MED15: variants seen among roughly 807,000 people sequenced by gnomAD.
MED15 encodes the protein mediator complex subunit 15.
In MED15, 41 loss-of-function variants were observed where a neutral mutation model predicts 118.7. The ratio of observed to expected loss-of-function variants is 0.35; its 90% CI spans 0.27 to 0.45. The LOEUF (loss-of-function observed/expected upper bound fraction) is 0.45. MED15 is among the 20% of genes least tolerant of loss of function. MED15 has a pLI of 1.00. For missense variants in MED15, 740 were observed against 1,025.5 expected (o/e 0.72, Z 3.80); for synonymous variants, 436 against 413.9 (o/e 1.05, Z -0.65).
At chr22:20,580,286 G>A (rs998831750) in intron 9 of MED15, among the ~76,000 whole-genome samples, 1 of 152,172 alleles carries the variant, frequency 6.6e-6, no homozygotes, top group African/African-American at 2.4e-5. Context: ...CCTGAGGTTC[G>A]AGAGCAGATG....
chr22:20,507,974 C>T (rs1249205381), intron 1 of MED15: 1 of 1,435,378 alleles, frequency 7.0e-7, no homozygotes, highest in Non-Finnish European at 9.1e-7. Context: ...CGAGCCCTGG[C>T]TTATGAATCA....
intron 2 of MED15, among the ~76,000 whole-genome samples, chr22:20,539,523 A>T (rs2055208485): frequency 6.6e-6 from 1 of 152,212 alleles, no homozygotes; most frequent in Non-Finnish European, 1.5e-5. Context: ...TTTGGTTATT[A>T]TGAGTAAGCA....
At position 20,582,694 on chromosome 22, in the gene MED15, C is replaced by T. The variant is rs758769640; in HGVS notation, c.1356C>T (p.Pro452=). 6.9e-6 allele frequency: 11 copies of T among 1,597,710 alleles called. No individual in the cohort carries two copies. The highest frequency in any genetic ancestry group is 1.7e-5 in the Admixed American group (1 of 59,776). ...CCCCGCAGTCGATGCCCCCTCCCCC[C>T]CAGCCGTCCCCGCAGCCCGGCCAGC... The part of the protein sequence containing the change: ...VQTPQSMPPP[P]QPSPQPGQPS... The change falls in exon 10 of 18, where the codon CCC becomes CCT. Residue 452 remains proline, a synonymous_variant. Transcript: ENST00000263205.
intron 9 of MED15, among the ~76,000 whole-genome samples, chr22:20,580,908 C>G (rs181327387): frequency 6.6e-6 from 1 of 152,376 alleles, no homozygotes; most frequent in Admixed American, 6.5e-5. Flanking sequence ...AGCCATTTTG[C>G]TCCATTAGGT....
chr22:20,518,801 G>T (rs993775865), intron 1 of MED15: 2 of 444,180 alleles, frequency 4.5e-6, no homozygotes, highest in Non-Finnish European at 9.0e-6. Flanking sequence ...TTCTCATTTT[G>T]AACTTTTTTC....
chr22:20,533,520 T>C (rs2054934954), intron 1 of MED15, among the ~76,000 whole-genome samples: 1 of 152,128 alleles, frequency 6.6e-6, no homozygotes, highest in Admixed American at 6.5e-5. Flanking sequence ...GTGGGAGAGA[T>C]GTGGGAGTGA....
At chr22:20,557,318 G>A (rs1249374792) in intron 5 of MED15, among the ~76,000 whole-genome samples, 1 of 152,062 alleles carries the variant, frequency 6.6e-6, no homozygotes, top group Non-Finnish European at 1.5e-5. Context: ...ACCCACTCCT[G>A]CTCTGGAATC....
chr22:20,568,514 C>T lies in MED15; in HGVS notation c.1042-7C>T, dbSNP rs1421170459. On this transcript the variant is annotated splice_region_variant and splice_polypyrimidine_tract_variant and intron_variant, in intron 7 of 17. Transcript: ENST00000263205. ...TTCCAAATCACATTCTCTCTTTCTCCCTCAAGGTCCGAGCTCCGATGGTGG... is the reference window on the plus strand; with the variant it reads ...TTCCAAATCACATTCTCTCTTTCTCTCTCAAGGTCCGAGCTCCGATGGTGG... The T allele has an allele frequency of 1.9e-6, 3 of 1,613,220 alleles. No individual in the cohort carries two copies. The highest frequency in any genetic ancestry group is 2.5e-6 in the Non-Finnish European group (3 of 1,179,868).
intron 1 of MED15, among the ~76,000 whole-genome samples, chr22:20,526,478 C>T (rs983257219): frequency 2.2e-4 from 33 of 152,188 alleles, no homozygotes; most frequent in African/African-American, 6.0e-4. Context: ...CTGCATAAAT[C>T]GGTAATGAAT....
chr22:20,583,003 C>A, intron 11 of MED15, 36 bp downstream of exon 11: 1 of 1,597,808 alleles, frequency 6.3e-7, no homozygotes, highest in South Asian at 1.1e-5. Context: ...TCACTCCTCA[C>A]CTTTATGAGG....
chr22:20,571,697 T>G (rs372307191), intron 8 of MED15, among the ~76,000 whole-genome samples: 1 of 152,238 alleles, frequency 6.6e-6, no homozygotes, highest in Admixed American at 6.5e-5. Flanking sequence ...TGGGGAGGGT[T>G]GGGCACAGCA....
chr22:20,537,720 G>C (rs928408688), intron 2 of MED15, among the ~76,000 whole-genome samples: 4 of 152,216 alleles, frequency 2.6e-5, no homozygotes, highest in African/African-American at 9.7e-5. Flanking sequence ...CCCTGGGTGG[G>C]GCACCACACT....
rs507624 is a variant in MED15 at position 20,565,117 on chromosome 22, C to T, written c.690+429C>T. 3.8e-3 allele frequency among the ~76,000 whole-genome samples: 575 copies of T among 152,014 alleles called. 4 individuals carry two copies. Among genetic ancestry groups the T allele is most frequent in the African/African-American group, 0.013 (543 of 41,446 alleles). The stretch of plus-strand genomic sequence containing the variant: ...TCCAGCCTGGGCAGCAGTGAGACTC[C>T]GTCTCAAAAAAAATAAAAATAAAAA... On this transcript the variant is annotated intron_variant, in intron 6 of 17. Coordinates refer to ENST00000263205, the MANE Select transcript of MED15 (RefSeq NM_001003891.3).
At chr22:20,520,380 A>G (rs570040396) in intron 1 of MED15, among the ~76,000 whole-genome samples, 109 of 152,350 alleles carry the variant, frequency 7.2e-4, no homozygotes, top group Non-Finnish European at 1.3e-3. Flanking sequence ...AGTAGAACTC[A>G]GGGTTCGTCC....
chr22:20,585,131 G>T lies in MED15; in HGVS notation c.1995G>T (p.Arg665Ser), dbSNP rs755322979. ...CAGTGGTGTGCACCCGGAAGCGCAGGCTTGAGGATGATGAGCGGCAGAGCA... is the reference window on the plus strand; with the variant it reads ...CAGTGGTGTGCACCCGGAAGCGCAGTCTTGAGGATGATGAGCGGCAGAGCA... ...TAPVVCTRKR[R>S]LEDDERQSIP... is the part of the protein sequence containing the mutation. Residue 665 changes from arginine to serine, a missense_variant, in exon 16 of 18, where the codon AGG (arginine) becomes AGT (serine). Physicochemically the swap from Arg to Ser is moderately radical, Grantham distance 110. This residue lies in a region of MED15 where 179 missense variants were observed against 259.0 expected (regional missense o/e 0.69). Coordinates refer to ENST00000263205, the MANE Select transcript of MED15 (RefSeq NM_001003891.3). 10 of 1,613,720 alleles carry T rather than the reference G, an allele frequency of 6.2e-6. No homozygotes were observed. The highest frequency in any genetic ancestry group is 8.5e-6 in the Non-Finnish European group (10 of 1,179,986).
rs369429276 is a variant in MED15 at position 20,586,629 on chromosome 22, G to A, written c.2292G>A (p.Pro764=). The change falls in exon 18 of 18, where the codon CCG becomes CCA. Residue 764 remains proline (P), a synonymous_variant. Transcript: ENST00000263205. ...TGACCTCCAGGCTGCTGCAGCTCCC[G>A]GACAAGCACTCGGTCACCGCCTTGC... is the stretch of plus-strand genomic sequence containing the variant. ...RCMTSRLLQL[P]DKHSVTALLN... is the part of the protein sequence containing the mutation. 71 of 1,612,872 alleles carry A rather than the reference G, an allele frequency of 4.4e-5. No homozygotes were observed. Among genetic ancestry groups the A allele is most frequent in the South Asian group, 1.4e-4 (13 of 91,078 alleles).
chr22:20,511,330 A>ACAAATACAACAAT (rs1301280498), intron 1 of MED15, among the ~76,000 whole-genome samples: 1 of 151,792 alleles, frequency 6.6e-6, no homozygotes, highest in Non-Finnish European at 1.5e-5. Flanking sequence ...GGTAACATAA[A>ACAAATACAACAAT]CAAATACAAC....
chr22:20,547,938 T>C (rs1003439127), intron 2 of MED15, among the ~76,000 whole-genome samples: 6 of 152,150 alleles, frequency 3.9e-5, no homozygotes, highest in Non-Finnish European at 5.9e-5. Flanking sequence ...AAGTTGAAAC[T>C]GCAGTGAGCG....
Position 20,553,613 on chromosome 22 carries a change from C to T in MED15, c.238+439C>T, listed in dbSNP as rs1052052597. Among the ~76,000 whole-genome samples the T allele has an allele frequency of 3.3e-5, 5 of 152,182 alleles. 1 individual carries two copies. In the South Asian group the frequency reaches 8.3e-4, roughly 25 times the overall value. Reference sequence around the variant, plus strand: ...TCTGGCTGGGTGCTGTGGCTCATGCCTGTAATCCCAACACTGTGGGAGGCT... The same window carrying T: ...TCTGGCTGGGTGCTGTGGCTCATGCTTGTAATCCCAACACTGTGGGAGGCT... On this transcript the variant is annotated intron_variant, in intron 4 of 17. Coordinates refer to ENST00000263205, the MANE Select transcript of MED15 (RefSeq NM_001003891.3).
Sources: gnomAD v4.1 joint callset for allele counts (sites outside exome capture counted in the v4.1 genomes callset) on GRCh38, gnomAD v4.1.1 for gene constraint, gnomAD v4.1.1 regional missense constraint, MANE v1.5 for transcripts, NCBI Gene and HGNC (gene_info 2026-07-23, HGNC 2026-07-21) for gene names.